The following COX6B1 variants were observed in gnomAD, a reference collection of about 807,000 sequenced individuals.
COX6B1 encodes the protein cytochrome c oxidase subunit 6B1, also known as COX VIb-1.
A neutral mutation model predicts 14.0 loss-of-function variants in COX6B1; 2 were observed. The ratio of observed to expected loss-of-function variants is 0.14; its 90% CI spans 0.06 to 0.45. The LOEUF is 0.45. COX6B1 is among the 20% of genes least tolerant of loss of function. The probability of loss-of-function intolerance (pLI) is 0.98; values close to 1 mark genes in which losing one functional copy is unlikely to be tolerated. For synonymous variants in COX6B1, 30 were observed against 39.7 expected, an observed-to-expected ratio of 0.76 and a Z score of 0.92; for missense variants, 81 against 114.2, an observed-to-expected ratio of 0.71 and a Z score of 1.33.
chr19:35,654,743 T>C, intron 3 of COX6B1, 72 bp downstream of exon 3: 1 of 1,373,822 alleles, frequency 7.3e-7, no homozygotes, highest in Non-Finnish European at 1.0e-6. Flanking sequence ...GGTGGCTTGG[T>C]GGGAGCTCAT....
intron 3 of COX6B1, among the ~76,000 whole-genome samples, chr19:35,656,235 A>C (rs1243754776): frequency 6.6e-6 from 1 of 152,226 alleles, no homozygotes; most frequent in Non-Finnish European, 1.5e-5. Flanking sequence ...AGTTGTTCGT[A>C]ATGGAGAATA....
intron 2 of COX6B1, 61 bp from the exon 3 acceptor site, chr19:35,654,507 CAAA>C (rs377609041): frequency 7.9e-4 from 1,030 of 1,305,952 alleles, no homozygotes; most frequent in Middle Eastern, 1.8e-3. Flanking sequence ...GACCCTACCT[CAAA>C]AAAAAAAAAA....
Position 35,658,630 on chromosome 19 carries a change from T to C in COX6B1, c.244T>C (p.Phe82Leu). Residue 82 changes from phenylalanine (F) to leucine (L), a missense_variant, in exon 4 of 4, where the codon TTT (phenylalanine) becomes CTT (leucine). Coordinates refer to ENST00000649813, the MANE Select transcript of COX6B1 (RefSeq NM_001863.5). ...DWDEQRAEGT[F>L]PGKI ...GGATGAGCAACGGGCTGAAGGCACG[T>C]TTCCCGGGAAGATCTGAACTGGCTG... is the stretch of plus-strand genomic sequence containing the variant. The C allele has an allele frequency of 6.2e-7, 1 of 1,614,086 alleles. No individual in the cohort carries two copies.
At chr19:35,652,193 C>A (rs577985405) in intron 2 of COX6B1, among the ~76,000 whole-genome samples, 2 of 152,108 alleles carry the variant, frequency 1.3e-5, no homozygotes, top group African/African-American at 4.8e-5. Flanking sequence ...CCACACCCAG[C>A]TAATTTTTTG....
chr19:35,658,778 AG>A lies in COX6B1; in HGVS notation c.*132del, dbSNP rs1967915182. 26 of 854,248 alleles carry A rather than the reference AG, an allele frequency of 3.0e-5. No homozygotes were observed. The South Asian group carries it at 3.7e-4, about 12-fold the overall frequency. 52.9% of individuals were successfully genotyped at this position (854,248 alleles called of 1,614,324 possible). ...CCTGCTAATAAAAACTCATTGGAAA[AG>A]TGAGACTATGCGTGTGAACGGGCCA... On this transcript the variant is annotated 3_prime_UTR_variant, in exon 4 of 4. Transcript: ENST00000649813.
At chr19:35,654,737 G>A (rs1967868753) in intron 3 of COX6B1, 66 bp downstream of exon 3, 1 of 1,440,758 alleles carries the variant, frequency 6.9e-7, no homozygotes, top group African/African-American at 1.4e-5. Flanking sequence ...GAGTGTGGTG[G>A]CTTGGTGGGA....
At chr19:35,648,500 C>T (rs1248180481) in intron 1 of COX6B1, 97 bp downstream of exon 1, 3 of 223,058 alleles carry the variant, frequency 1.3e-5, no homozygotes, top group Non-Finnish European at 2.8e-5. Flanking sequence ...TTCCGGCTGG[C>T]GGCGTCCGGC....
intron 1 of COX6B1, among the ~76,000 whole-genome samples, chr19:35,650,152 T>C (rs1263138029): frequency 6.6e-6 from 1 of 151,896 alleles, no homozygotes; most frequent in Non-Finnish European, 1.5e-5. Context: ...TATAGGCACC[T>C]GCCACCACAC....
chr19:35,648,444 C>G (rs953710271), intron 1 of COX6B1, 41 bp downstream of exon 1: 1 of 203,692 alleles, frequency 4.9e-6, no homozygotes, highest in Non-Finnish European at 1.0e-5. Flanking sequence ...CCCAGTCTAG[C>G]GGGCTGAGGA....
intron 1 of COX6B1, chr19:35,649,007 C>G: frequency 2.0e-6 from 1 of 502,986 alleles, no homozygotes; most frequent in Non-Finnish European, 4.1e-6. Flanking sequence ...CCCCCACCAC[C>G]ACCTTGCGTC....
chr19:35,650,005 ATT>A lies in COX6B1; in HGVS notation c.-11-1214_-11-1213del, dbSNP rs34904202. 5.6e-4 allele frequency among the ~76,000 whole-genome samples: 81 copies of A among 143,812 alleles called. 1 individual carries two copies. The highest frequency in any genetic ancestry group is 1.7e-3 in the African/African-American group (65 of 39,298). The allele number at this position is 143,812 out of a possible 152,430, so 94.3% of individuals were successfully genotyped here. ...TCATTCATGATTACTTCAAAATTGT[ATT>A]TTTTTTTTTTTTTGAGACAGTGTTT... On this transcript the variant is annotated intron_variant, in intron 1 of 3. Transcript: ENST00000649813.
chr19:35,653,524 G>A (rs937914581), intron 2 of COX6B1, among the ~76,000 whole-genome samples: 14 of 146,450 alleles, frequency 9.6e-5, no homozygotes, highest in African/African-American at 3.0e-4. Context: ...TGCCTGCCTC[G>A]GCCTCCCAAA....
At chr19:35,651,393 C>T (rs767563428) in intron 2 of COX6B1, 44 bp downstream of exon 2, 66 of 1,475,148 alleles carry the variant, frequency 4.5e-5, no homozygotes, top group Non-Finnish European at 5.4e-5. Flanking sequence ...AGTCACTCAC[C>T]GCTTGCCTCT....
chr19:35,652,677 C>T (rs981428907), intron 2 of COX6B1, among the ~76,000 whole-genome samples: 13 of 151,538 alleles, frequency 8.6e-5, no homozygotes, highest in South Asian at 4.2e-4. Context: ...AACTCCTGAC[C>T]TCAGGTGATC....
At chr19:35,657,829 G>A (rs1237930578) in intron 3 of COX6B1, among the ~76,000 whole-genome samples, 2 of 151,648 alleles carry the variant, frequency 1.3e-5, no homozygotes, top group African/African-American at 4.8e-5. Context: ...GCTAAGTTTT[G>A]TATTTTTTGT....
intron 1 of COX6B1, among the ~76,000 whole-genome samples, chr19:35,650,642 A>G (rs1967814288): frequency 6.6e-6 from 1 of 151,724 alleles, no homozygotes; most frequent in African/African-American, 2.4e-5. Flanking sequence ...TTGGAGGCGG[A>G]GTTTGCAGTG....
At chr19:35,652,934 G>A (rs1372183362) in intron 2 of COX6B1, among the ~76,000 whole-genome samples, 1 of 150,968 alleles carries the variant, frequency 6.6e-6, no homozygotes, top group Non-Finnish European at 1.5e-5. Context: ...GAGTAGCTGG[G>A]AATACAGGCG....
chr19:35,649,015 G>T (rs1326247151), intron 1 of COX6B1: 1 of 493,166 alleles, frequency 2.0e-6, no homozygotes, highest in African/African-American at 2.0e-5. Flanking sequence ...ACCACCTTGC[G>T]TCGCTTGAAT....
chr19:35,658,662 C>G lies in COX6B1; in HGVS notation c.*15C>G. On this transcript the variant is annotated 3_prime_UTR_variant, in exon 4 of 4. Coordinates refer to ENST00000649813, the MANE Select transcript of COX6B1 (RefSeq NM_001863.5). ...GGAAGATCTGAACTGGCTGCATCTCCCTTTCCTCTGTCCTCCATCCTTCTC... is the reference window on the plus strand; with the variant it reads ...GGAAGATCTGAACTGGCTGCATCTCGCTTTCCTCTGTCCTCCATCCTTCTC... 1 of 1,613,032 alleles carries G rather than the reference C, an allele frequency of 6.2e-7. No individual in the cohort carries two copies. The highest frequency in any genetic ancestry group is 1.7e-4 in the Middle Eastern group (1 of 6,060).
Sources: gnomAD v4.1 joint callset for allele counts (sites outside exome capture counted in the v4.1 genomes callset) on GRCh38, gnomAD v4.1.1 for gene constraint, MANE v1.5 for transcripts, NCBI Gene and HGNC (gene_info 2026-07-23, HGNC 2026-07-21) for gene names.